PDIA5: variants seen among roughly 807,000 people sequenced by gnomAD.
The protein encoded by PDIA5 is protein disulfide isomerase family A member 5, also known as protein disulfide-isomerase A5.
A neutral mutation model predicts 77.6 loss-of-function variants in PDIA5; 58 were observed. That is an observed-to-expected ratio of 0.75 (90% CI 0.61 to 0.93). The LOEUF is 0.93. Among genes scored for constraint, PDIA5 ranks in the 40% least tolerant of loss-of-function variants. The pLI is 0.00. For synonymous variants in PDIA5, 250 were observed against 252.1 expected (o/e 0.99, Z 0.08); for missense variants, 630 against 647.7 (o/e 0.97, Z 0.30).
rs376268912 is a variant in PDIA5, at chr3:123,124,120, T to C, written c.664T>C (p.Tyr222His). ...TGAATTTGAAAACATCAAGGAGGAGTACAGCGTGCGCGGCTTCCCCACCAT... is the reference window on the plus strand; with the variant it reads ...TGAATTTGAAAACATCAAGGAGGAGCACAGCGTGCGCGGCTTCCCCACCAT... Reference protein sequence around the residue: ...SSEFENIKEEYSVRGFPTICY... With the variant: ...SSEFENIKEEHSVRGFPTICY... The change falls in exon 9 of 17, where the codon TAC (tyrosine) becomes CAC (histidine). Residue 222 changes from tyrosine (Y) to histidine (H), a missense_variant. Coordinates refer to ENST00000316218, the MANE Select transcript of PDIA5 (RefSeq NM_006810.4). 1 of 1,613,800 alleles carries C rather than the reference T, an allele frequency of 6.2e-7. No homozygotes were observed. Among genetic ancestry groups the C allele is most frequent in the African/African-American group, 1.3e-5 (1 of 74,824 alleles).
intron 2 of PDIA5, among the ~76,000 whole-genome samples, chr3:123,090,371 G>C (rs1934252660): frequency 6.6e-6 from 1 of 152,220 alleles, no homozygotes; most frequent in African/African-American, 2.4e-5. Flanking sequence ...GATACTCCCG[G>C]AGTTGGAACT....
chr3:123,118,752 T>C (rs890796918), intron 8 of PDIA5, among the ~76,000 whole-genome samples: 10 of 152,262 alleles, frequency 6.6e-5, no homozygotes, highest in Admixed American at 1.3e-4. Flanking sequence ...AAGCTCACAG[T>C]AGATATCCAG....
chr3:123,101,915 T>C (rs1269689395), intron 3 of PDIA5, among the ~76,000 whole-genome samples: 1 of 127,458 alleles, frequency 7.8e-6, no homozygotes, highest in Non-Finnish European at 1.7e-5. Flanking sequence ...GCTTTTTTTT[T>C]TTTTTTTTTT....
At chr3:123,073,124 T>G (rs1397956221) in intron 1 of PDIA5, among the ~76,000 whole-genome samples, 1 of 152,214 alleles carries the variant, frequency 6.6e-6, no homozygotes, top group Non-Finnish European at 1.5e-5. Context: ...GATGCATTTG[T>G]AGAGGGCTTG....
At chr3:123,126,944 T>C (rs994365160) in intron 10 of PDIA5, among the ~76,000 whole-genome samples, 1 of 152,192 alleles carries the variant, frequency 6.6e-6, no homozygotes, top group African/African-American at 2.4e-5. Context: ...GTGTCTTTTG[T>C]GTTCCTAATG....
chr3:123,110,092 C>T (rs1219865505), intron 6 of PDIA5, among the ~76,000 whole-genome samples: 2 of 152,202 alleles, frequency 1.3e-5, no homozygotes, highest in Admixed American at 1.3e-4. Context: ...CTCTTATCAT[C>T]GTGCTTCACT....
intron 3 of PDIA5, among the ~76,000 whole-genome samples, chr3:123,097,857 A>G (rs532665180): frequency 2.6e-5 from 4 of 152,266 alleles, no homozygotes; most frequent in Admixed American, 2.6e-4. Context: ...GGGAAATGGA[A>G]CTAGAGAGGC....
intron 2 of PDIA5, among the ~76,000 whole-genome samples, chr3:123,091,759 AAT>A: frequency 6.6e-6 from 1 of 152,264 alleles, no homozygotes; most frequent in East Asian, 1.9e-4. Context: ...TGGGCTGTTA[AAT>A]GTGGCTTAGG....
chr3:123,067,372 C>A (rs536265934), intron 1 of PDIA5, 166 bp downstream of exon 1: 7 of 580,750 alleles, frequency 1.2e-5, no homozygotes, highest in African/African-American at 1.2e-4. Flanking sequence ...ACGCGGGAGA[C>A]AGCGGGCGTC....
chr3:123,152,407 C>T (rs145965012), intron 14 of PDIA5, among the ~76,000 whole-genome samples: 49 of 152,266 alleles, frequency 3.2e-4, no homozygotes, highest in African/African-American at 7.9e-4. Flanking sequence ...TCTGTTACTG[C>T]GTTTTTCTGT....
chr3:123,126,447 T>C (rs1359483674), intron 10 of PDIA5, among the ~76,000 whole-genome samples: 1 of 152,220 alleles, frequency 6.6e-6, no homozygotes, highest in Non-Finnish European at 1.5e-5. Flanking sequence ...AAGTCTTTTC[T>C]GATTTCAGAG....
intron 13 of PDIA5, among the ~76,000 whole-genome samples, chr3:123,146,491 C>A (rs537056266): frequency 6.6e-6 from 1 of 152,328 alleles, no homozygotes; most frequent in African/African-American, 2.4e-5. Flanking sequence ...CGCACTAAAC[C>A]GTGTGTTGCT....
At chr3:123,136,281 G>A (rs992970598) in intron 11 of PDIA5, among the ~76,000 whole-genome samples, 1 of 152,158 alleles carries the variant, frequency 6.6e-6, no homozygotes, top group Non-Finnish European at 1.5e-5. Flanking sequence ...AATATTAACA[G>A]CATTCTTGTT....
chr3:123,123,857 C>T (rs1935175535), intron 8 of PDIA5, among the ~76,000 whole-genome samples: 1 of 152,196 alleles, frequency 6.6e-6, no homozygotes, highest in South Asian at 2.1e-4. Context: ...GTGCAGCACT[C>T]GGCCCAGCTG....
At chr3:123,087,745 A>T (rs769372588) in intron 1 of PDIA5, among the ~76,000 whole-genome samples, 5 of 152,182 alleles carry the variant, frequency 3.3e-5, no homozygotes, top group Non-Finnish European at 4.4e-5. Flanking sequence ...TGTTTTGAAG[A>T]GCAAGGCACT....
At chr3:123,138,593 G>A (rs1160457428) in intron 11 of PDIA5, among the ~76,000 whole-genome samples, 1 of 152,172 alleles carries the variant, frequency 6.6e-6, no homozygotes, top group Non-Finnish European at 1.5e-5. Flanking sequence ...CTAACATAAA[G>A]GAAAAAACAA....
At chr3:123,095,181 T>G (rs1332038731) in intron 3 of PDIA5, among the ~76,000 whole-genome samples, 1 of 152,244 alleles carries the variant, frequency 6.6e-6, no homozygotes, top group African/African-American at 2.4e-5. Context: ...GCGTTCTGCC[T>G]TCTTTCCAGG....
intron 6 of PDIA5, among the ~76,000 whole-genome samples, chr3:123,110,655 C>T (rs914621845): frequency 3.3e-5 from 5 of 152,200 alleles, no homozygotes; most frequent in African/African-American, 1.2e-4. Context: ...GACTCCCTCT[C>T]ACCAGGCGGC....
At chr3:123,134,591 C>A (rs1935447543) in intron 11 of PDIA5, among the ~76,000 whole-genome samples, 1 of 152,226 alleles carries the variant, frequency 6.6e-6, no homozygotes. Context: ...CACTTCCCAC[C>A]TCATCTGCCC....
Sources: gnomAD v4.1 joint callset for allele counts (sites outside exome capture counted in the v4.1 genomes callset) on GRCh38, gnomAD v4.1.1 for gene constraint, MANE v1.5 for transcripts, NCBI Gene and HGNC (gene_info 2026-07-23, HGNC 2026-07-21) for gene names.